ZFP3: variants seen among roughly 807,000 people sequenced by gnomAD.
ZFP3 encodes zinc finger protein 3 homolog.
In ZFP3, 18 loss-of-function variants were observed where a neutral mutation model predicts 36.7. The observed-to-expected ratio is 0.49, with a 90% CI of 0.34 to 0.73. ZFP3 has a LOEUF of 0.73. ZFP3 is among the 30% of genes least tolerant of loss of function. The pLI, the probability that ZFP3 is intolerant of heterozygous loss-of-function variation, is 0.01. For synonymous variants in ZFP3, 218 were observed against 199.0 expected, an observed-to-expected ratio of 1.10 and a Z score of -0.81; for missense variants, 495 against 599.0, an observed-to-expected ratio of 0.83 and a Z score of 1.81.
chr17:5,086,587 CT>C lies in ZFP3; in HGVS notation c.-8-4894del, dbSNP rs11392105. Among the ~76,000 whole-genome samples, 577 of 142,414 alleles carry C rather than the reference CT, an allele frequency of 4.1e-3. 2 individuals carry two copies. The highest frequency in any genetic ancestry group is 9.5e-3 in the African/African-American group (368 of 38,842). The allele number at this position is 142,414 out of a possible 152,430, so 93.4% of individuals were successfully genotyped here. A position where few individuals can be genotyped will look rare whatever the true frequency, so the allele number is the denominator to read the frequency against. On this transcript the variant is annotated intron_variant, in intron 1 of 1. Transcript: ENST00000318833. The stretch of plus-strand genomic sequence containing the variant: ...CGTCTTGGTCTTCTCCTTTCATCCA[CT>C]TTTTTTTTTTTTTTTAAAGAAGCAG...
chr17:5,086,031 A>G (rs4790741), intron 1 of ZFP3, among the ~76,000 whole-genome samples: 11,199 of 152,308 alleles, frequency 0.074, 437 homozygotes, highest in African/African-American at 0.1. Flanking sequence ...GATTCTTACA[A>G]TTGTATAGAT....
rs1567749937 is a variant in ZFP3 at position 5,091,414 on chromosome 17, A to T, written c.-8-83A>T. 2.9e-6 allele frequency: 4 copies of T among 1,382,836 alleles called. No individual in the cohort carries two copies. The Admixed American group carries it at 7.1e-5, about 24-fold the overall frequency. 85.7% of individuals were successfully genotyped at this position (1,382,836 alleles called of 1,614,324 possible). Reference sequence around the variant, plus strand: ...ACTGTTTCTGAGTGCTATGAGAACTACATCAAAGCTCTGTTGTCCTCTAGT... The same window carrying T: ...ACTGTTTCTGAGTGCTATGAGAACTTCATCAAAGCTCTGTTGTCCTCTAGT... On this transcript the variant is annotated intron_variant, in intron 1 of 1. Transcript: ENST00000318833.
In ZFP3 at chr17:5,095,854, TAGG is replaced by T. The variant is rs759529260; in HGVS notation, c.*2845_*2847del. ...GTTCACCATTCATTCATTTGAACAT[TAGG>T]AGGCAATTTAGTGACCTGTTGTACC... On this transcript the variant is annotated 3_prime_UTR_variant, in exon 2 of 2. Transcript: ENST00000318833. The T allele has an allele frequency of 6.0e-6, 1 of 166,726 alleles. No homozygotes were observed. The highest frequency in any genetic ancestry group is 1.9e-4 in the East Asian group (1 of 5,200). 10.3% of individuals were successfully genotyped at this position (166,726 alleles called of 1,614,324 possible).
chr17:5,090,921 G>A (rs931868115), intron 1 of ZFP3, among the ~76,000 whole-genome samples: 12 of 151,954 alleles, frequency 7.9e-5, no homozygotes, highest in Non-Finnish European at 1.5e-4. Flanking sequence ...CGCCCGCCTC[G>A]GCCTCCCAAA....
chr17:5,090,439 C>A (rs1043824103), intron 1 of ZFP3, among the ~76,000 whole-genome samples: 10 of 152,126 alleles, frequency 6.6e-5, no homozygotes, highest in African/African-American at 2.4e-4. Flanking sequence ...TTCAGTAGCC[C>A]TTTGGAGAAG....
intron 1 of ZFP3, among the ~76,000 whole-genome samples, chr17:5,088,639 G>A (rs538794481): frequency 2.0e-4 from 30 of 151,674 alleles, no homozygotes; most frequent in South Asian, 8.4e-4. Context: ...TAGTAGAGAC[G>A]GGGTTTCACC....
intron 1 of ZFP3, among the ~76,000 whole-genome samples, chr17:5,080,735 C>G (rs571577746): frequency 6.6e-6 from 1 of 152,230 alleles, no homozygotes; most frequent in East Asian, 1.9e-4. Context: ...CCCAGCCCCC[C>G]TTCATTTCCA....
At chr17:5,088,599 C>T (rs1214023443) in intron 1 of ZFP3, among the ~76,000 whole-genome samples, 5 of 152,042 alleles carry the variant, frequency 3.3e-5, no homozygotes, top group Non-Finnish European at 7.4e-5. Flanking sequence ...CAGGCGCCCG[C>T]CACCATGCCC....
At chr17:5,084,479 G>T (rs10852867) in intron 1 of ZFP3, among the ~76,000 whole-genome samples, 123,116 of 124,896 alleles carry the variant, frequency 0.99, 60,693 homozygotes, top group South Asian at 1. Context: ...GTTTCACCGT[G>T]TTAGCCAGGA....
In ZFP3 at chr17:5,094,238, G is replaced by T; in HGVS notation, c.*1225G>T. The stretch of plus-strand genomic sequence containing the variant: ...TCTTGAATAACTTTAAAAAAATAGA[G>T]ATAAAGTCTTGCTATGTTGCCCAGG... On this transcript the variant is annotated 3_prime_UTR_variant, in exon 2 of 2. Transcript: ENST00000318833. 1 of 167,218 alleles carries T rather than the reference G, an allele frequency of 6.0e-6. No homozygotes were observed. The allele number at this position is 167,218 out of a possible 1,614,324, so 10.4% of individuals were successfully genotyped here.
rs74657564 is a variant in ZFP3, at chr17:5,091,588, T to G, written c.84T>G (p.Phe28Leu). The G allele has an allele frequency of 1.2e-3, 1,885 of 1,614,222 alleles. 3 individuals carry two copies. The highest frequency in any genetic ancestry group is 1.4e-3 in the Non-Finnish European group (1,685 of 1,180,044). The change falls in exon 2 of 2, where the codon TTT becomes TTG. Residue 28 changes from phenylalanine to leucine, a missense_variant. Physicochemically the swap from Phe to Leu is conservative, Grantham distance 22. This residue lies in a region of ZFP3 where 229 missense variants were observed against 233.8 expected (regional missense o/e 0.98). Transcript: ENST00000318833. ...CACATGGGTCATTATTAGAAAAATT[T>G]CCAAAAGTGGTTTACCAAGGTCATG... is the stretch of plus-strand genomic sequence containing the variant. ...SEPHGSLLEK[F>L]PKVVYQGHEF...
intron 1 of ZFP3, among the ~76,000 whole-genome samples, chr17:5,087,008 G>A (rs994917524): frequency 6.6e-6 from 1 of 151,370 alleles, no homozygotes; most frequent in African/African-American, 2.4e-5. Flanking sequence ...GATAACAGGC[G>A]TGAGCCACTG....
rs1442078041 is a variant in ZFP3, at chr17:5,092,967, G to A, written c.1463G>A (p.Arg488Gln). 17 of 1,611,682 alleles carry A rather than the reference G, an allele frequency of 1.1e-5. No homozygotes were observed. Among genetic ancestry groups the A allele is most frequent in the East Asian group, 8.9e-5 (4 of 44,860 alleles). The change falls in exon 2 of 2, where the codon CGG becomes CAG. Residue 488 changes from arginine (R) to glutamine (Q), a missense_variant. Coordinates refer to ENST00000318833, the MANE Select transcript of ZFP3 (RefSeq NM_153018.3). This position sits in a 1 kb window ranked among gnomAD's most constrained non-coding sequence, Gnocchi z 5.0. ...CAAGAATGTCAGAAGACTTTTAGTC[G>A]GAGCTCTCACCTCCTCCGACATCAA... ...ECQECQKTFS[R>Q]SSHLLRHQSV...
intron 1 of ZFP3, among the ~76,000 whole-genome samples, chr17:5,087,793 C>G (rs2072129080): frequency 6.6e-6 from 1 of 152,166 alleles, no homozygotes; most frequent in South Asian, 2.1e-4. Flanking sequence ...ACCCTGACCC[C>G]TTTCTCCTGC....
Position 5,091,678 on chromosome 17 carries a change from T to TATA in ZFP3, c.175_177dup (p.Ile59dup). ...ATTCGAGAGAGTCCATGGAAGAGGT[T>TATA]ATAGAGCAGATGTCTCCTCAGGAGA... is the stretch of plus-strand genomic sequence containing the variant. On this transcript the variant is annotated inframe_insertion, in exon 2 of 2. Coordinates refer to ENST00000318833, the MANE Select transcript of ZFP3 (RefSeq NM_153018.3). 6.2e-7 allele frequency: 1 copy of TATA among 1,614,156 alleles called. No individual in the cohort carries two copies. Among genetic ancestry groups the TATA allele is most frequent in the South Asian group, 1.1e-5 (1 of 91,086 alleles).
rs867202255 is a variant in ZFP3, at chr17:5,094,765, C to A, written c.*1752C>A. Reference sequence around the variant, plus strand: ...CCAGTTTACATTTTAATTTTCACATCATTTCTATGATGTGGGTACTCATTT... The same window carrying A: ...CCAGTTTACATTTTAATTTTCACATAATTTCTATGATGTGGGTACTCATTT... On this transcript the variant is annotated 3_prime_UTR_variant, in exon 2 of 2. Transcript: ENST00000318833. The A allele has an allele frequency of 6.0e-6, 1 of 167,012 alleles. No individual in the cohort carries two copies. Among genetic ancestry groups the A allele is most frequent in the Non-Finnish European group, 1.5e-5 (1 of 68,104 alleles). The allele number at this position is 167,012 out of a possible 1,614,324, so 10.3% of individuals were successfully genotyped here.
At chr17:5,082,287 C>T (rs952616847) in intron 1 of ZFP3, among the ~76,000 whole-genome samples, 2 of 151,812 alleles carry the variant, frequency 1.3e-5, no homozygotes, top group Non-Finnish European at 2.9e-5. Context: ...GCAGAGGTTG[C>T]AGTGAGCCAA....
chr17:5,090,059 A>T (rs905393709), intron 1 of ZFP3, among the ~76,000 whole-genome samples: 1 of 152,252 alleles, frequency 6.6e-6, no homozygotes, highest in African/African-American at 2.4e-5. Context: ...TGCTATATAT[A>T]TAAGTAATAG....
intron 1 of ZFP3, among the ~76,000 whole-genome samples, chr17:5,084,298 C>T (rs1351379647): frequency 1.6e-5 from 1 of 63,764 alleles, no homozygotes; most frequent in Non-Finnish European, 2.7e-5. Context: ...TTTTTTGAGA[C>T]GGAGTCTCGC....
Sources: gnomAD v4.1 joint callset for allele counts (sites outside exome capture counted in the v4.1 genomes callset) on GRCh38, gnomAD v4.1.1 for gene constraint, gnomAD v4.1.1 regional missense constraint, Gnocchi (gnomAD v3.1) non-coding constraint, MANE v1.5 for transcripts, NCBI Gene and HGNC (gene_info 2026-07-23, HGNC 2026-07-21) for gene names.